The following PFDN1 variants were observed in gnomAD, a reference collection of about 807,000 sequenced individuals.
PFDN1 encodes the protein prefoldin 1.
PFDN1 carries 6 observed loss-of-function variants against 17.3 expected under a neutral mutation model. The ratio of observed to expected loss-of-function variants is 0.35; its 90% CI spans 0.19 to 0.69. PFDN1 has a LOEUF of 0.69. Among genes scored for constraint, PFDN1 ranks in the 30% least tolerant of loss-of-function variants. The pLI is 0.65. For synonymous variants in PFDN1, 58 were observed against 50.1 expected (o/e 1.16, Z -0.67); for missense variants, 113 against 146.2 (o/e 0.77, Z 1.17).
intron 3 of PFDN1, among the ~76,000 whole-genome samples, chr5:140,272,312 G>A (rs904802435): frequency 3.3e-5 from 5 of 150,278 alleles, no homozygotes; most frequent in South Asian, 2.1e-4. Context: ...GAGCCACCAC[G>A]CCCAGCCTAA....
At chr5:140,265,206 T>C (rs542377782) in intron 3 of PFDN1, among the ~76,000 whole-genome samples, 51 of 152,032 alleles carry the variant, frequency 3.4e-4, no homozygotes, top group Non-Finnish European at 7.1e-4. Context: ...GGACAGCCCA[T>C]GAAAAAGCAG....
intron 3 of PFDN1, among the ~76,000 whole-genome samples, chr5:140,280,017 A>AAAAAAAAAAAAAAG (rs1561509725): frequency 6.9e-6 from 1 of 145,628 alleles, no homozygotes; most frequent in African/African-American, 2.5e-5. Flanking sequence ...AAAAAAACAA[A>AAAAAAAAAAAAAAG]AAAAGAAAAG....
chr5:140,253,528 G>A (rs530146089), intron 3 of PFDN1, among the ~76,000 whole-genome samples: 1 of 152,268 alleles, frequency 6.6e-6, no homozygotes, highest in Admixed American at 6.5e-5. Context: ...CTTCATGTGA[G>A]TCCCAGAGAA....
chr5:140,273,990 A>G, intron 3 of PFDN1: 1 of 491,426 alleles, frequency 2.0e-6, no homozygotes, highest in Non-Finnish European at 2.6e-6. Flanking sequence ...CAAATGTATC[A>G]TTGAAAGTTT....
At chr5:140,298,302 T>G (rs1362399659) in intron 2 of PFDN1, among the ~76,000 whole-genome samples, 2 of 152,124 alleles carry the variant, frequency 1.3e-5, no homozygotes. Context: ...CATTATTAAA[T>G]TTTACACATG....
intron 3 of PFDN1, chr5:140,281,101 C>G (rs1765390423): frequency 5.6e-6 from 1 of 178,874 alleles, no homozygotes; most frequent in Admixed American, 5.9e-5. Context: ...CCATCCACCA[C>G]AATCCACTAC....
chr5:140,283,485 G>T (rs898203226), intron 2 of PFDN1, among the ~76,000 whole-genome samples: 3 of 152,012 alleles, frequency 2.0e-5, no homozygotes, highest in Non-Finnish European at 4.4e-5. Flanking sequence ...TGCCCGCCTC[G>T]GCCTCCCAAA....
At chr5:140,291,806 C>G (rs1038929869) in intron 2 of PFDN1, among the ~76,000 whole-genome samples, 1 of 152,034 alleles carries the variant, frequency 6.6e-6, no homozygotes, top group African/African-American at 2.4e-5. Context: ...GAAGTGGTGT[C>G]CTGCAAGCCA....
chr5:140,261,708 GGAAGA>G (rs1263165910), intron 3 of PFDN1, among the ~76,000 whole-genome samples: 2 of 152,038 alleles, frequency 1.3e-5, no homozygotes, highest in African/African-American at 4.8e-5. Context: ...TTTTCACTAA[GGAAGA>G]GAAAAGGAAA....
chr5:140,247,020 C>G (rs1021048089), intron 3 of PFDN1, among the ~76,000 whole-genome samples: 7 of 152,362 alleles, frequency 4.6e-5, no homozygotes, highest in South Asian at 2.1e-4. Flanking sequence ...ACCTCCACCC[C>G]CTTCACCCAA....
chr5:140,290,729 G>A (rs150249647), intron 2 of PFDN1, among the ~76,000 whole-genome samples: 203 of 152,256 alleles, frequency 1.3e-3, no homozygotes, highest in African/African-American at 4.4e-3. Context: ...GTTCTTTATC[G>A]TGACTGGGGT....
At chr5:140,273,778 T>C (rs1324878998) in intron 3 of PFDN1, 1 of 299,178 alleles carries the variant, frequency 3.3e-6, no homozygotes. Context: ...CTTATTCTTA[T>C]TCTGTTATTG....
At chr5:140,250,178 C>G (rs1339184415) in intron 3 of PFDN1, among the ~76,000 whole-genome samples, 1 of 152,134 alleles carries the variant, frequency 6.6e-6, no homozygotes, top group South Asian at 2.1e-4. Context: ...CTATTCACAC[C>G]ACAGTACTTT....
intron 2 of PFDN1, among the ~76,000 whole-genome samples, chr5:140,283,861 T>C (rs1322712767): frequency 5.3e-5 from 8 of 152,196 alleles, no homozygotes; most frequent in African/African-American, 1.9e-4. Flanking sequence ...AATTATGTCA[T>C]GACATGTGTG....
intron 3 of PFDN1, among the ~76,000 whole-genome samples, chr5:140,276,046 TGATGATGATGATG>T (rs1561506666): frequency 2.0e-5 from 3 of 151,840 alleles, no homozygotes; most frequent in Non-Finnish European, 2.9e-5. Context: ...ATGATGATGA[TGATGATGATGATG>T]ATAATTACAG....
chr5:140,290,075 T>G (rs761840507), intron 2 of PFDN1, among the ~76,000 whole-genome samples: 1 of 152,222 alleles, frequency 6.6e-6, no homozygotes, highest in Admixed American at 6.5e-5. Context: ...TTGATGACTT[T>G]GGCAGACATT....
chr5:140,283,647 C>A (rs991373284), intron 2 of PFDN1, among the ~76,000 whole-genome samples: 1 of 152,180 alleles, frequency 6.6e-6, no homozygotes, highest in African/African-American at 2.4e-5. Context: ...AATTCCAGGT[C>A]TTTTACTATA....
At chr5:140,268,819 C>G (rs541038798) in intron 3 of PFDN1, among the ~76,000 whole-genome samples, 10 of 152,280 alleles carry the variant, frequency 6.6e-5, no homozygotes, top group Non-Finnish European at 1.3e-4. Context: ...CTATTCAGCT[C>G]TATCTGAAAA....
chr5:140,265,284 A>G (rs1320848567), intron 3 of PFDN1, among the ~76,000 whole-genome samples: 1 of 152,108 alleles, frequency 6.6e-6, no homozygotes, highest in Admixed American at 6.5e-5. Context: ...AGGGTTGCCC[A>G]TGTGGGTATT....
Sources: allele counts gnomAD v4.1 joint callset (sites outside exome capture counted in the v4.1 genomes callset), GRCh38; gene constraint gnomAD v4.1.1; transcripts MANE v1.5; gene names NCBI Gene and HGNC (gene_info 2026-07-23, HGNC 2026-07-21).